The following PCDH11X variants were observed in gnomAD, a reference collection of about 807,000 sequenced individuals.
PCDH11X encodes the protein protocadherin 11 X-linked, also known as protocadherin-11 X-linked.
PCDH11X carries 18 observed loss-of-function variants against 53.3 expected under a neutral mutation model. The ratio of observed to expected loss-of-function variants is 0.34; its 90% CI spans 0.23 to 0.50. The LOEUF is 0.50. Ranked by LOEUF, PCDH11X falls within the 20% of genes least tolerant of loss-of-function variation. The pLI, the probability that PCDH11X is intolerant of heterozygous loss-of-function variation, is 0.98. For synonymous variants in PCDH11X, 279 were observed against 393.3 expected (o/e 0.71, Z 3.44); for missense variants, 570 against 1,032.4 (o/e 0.55, Z 6.14).
intron 7 of PCDH11X, among the ~76,000 whole-genome samples, chrX:92,223,808 C>A (rs933793471): frequency 5.4e-5 from 6 of 111,400 alleles, no homozygotes; most frequent in African/African-American, 2.0e-4. Context: ...GTGTCTAGCA[C>A]ATAGTGAACA....
At chrX:92,193,215 A>T (rs1847491517) in intron 6 of PCDH11X, among the ~76,000 whole-genome samples, 1 of 111,888 alleles carries the variant, frequency 8.9e-6, no homozygotes, top group African/African-American at 3.2e-5. Context: ...AAAAGACATT[A>T]TTTTATGTGT....
intron 6 of PCDH11X, among the ~76,000 whole-genome samples, chrX:91,881,782 C>A (rs1321179109): frequency 1.8e-5 from 2 of 109,464 alleles, no homozygotes; most frequent in Non-Finnish European, 3.8e-5. Flanking sequence ...ACAGCCAATA[C>A]AATACAAATT....
At chrX:92,379,394 C>G (rs2070822318) in intron 8 of PCDH11X, among the ~76,000 whole-genome samples, 1 of 112,880 alleles carries the variant, frequency 8.9e-6, no homozygotes, top group Non-Finnish European at 1.9e-5. Context: ...TGCCTCAGCC[C>G]CCTCCAGACT....
intron 8 of PCDH11X, among the ~76,000 whole-genome samples, chrX:92,316,922 G>A (rs1273350661): frequency 9.1e-6 from 1 of 110,370 alleles, no homozygotes; most frequent in Non-Finnish European, 1.9e-5. Flanking sequence ...TATTCACTGT[G>A]CCTTTCTACA....
At chrX:91,943,963 A>G (rs202024243) in intron 6 of PCDH11X, among the ~76,000 whole-genome samples, 1,282 of 103,675 alleles carry the variant, frequency 0.012, 17 homozygotes, top group Non-Finnish European at 0.02. Flanking sequence ...ATTTCACCTT[A>G]GCTGGCTTAG....
At chrX:91,994,260 T>C (rs1468782487) in intron 6 of PCDH11X, among the ~76,000 whole-genome samples, 1 of 106,186 alleles carries the variant, frequency 9.4e-6, no homozygotes. Context: ...CTAGAATTTA[T>C]TCCTCTTCTA....
chrX:91,852,106 C>T (rs963249749), intron 5 of PCDH11X, among the ~76,000 whole-genome samples: 2 of 102,507 alleles, frequency 2.0e-5, no homozygotes, highest in Non-Finnish European at 4.0e-5. Context: ...CTCCGCCTCC[C>T]GGGTTCAAGC....
chrX:92,259,993 T>A (rs1437819435), intron 7 of PCDH11X, among the ~76,000 whole-genome samples: 1 of 111,361 alleles, frequency 9.0e-6, no homozygotes, highest in Non-Finnish European at 1.9e-5. Context: ...CTCCGCATTC[T>A]TCCCTCTTCT....
At chrX:92,248,558 C>A (rs2067395888) in intron 7 of PCDH11X, among the ~76,000 whole-genome samples, 2 of 111,340 alleles carry the variant, frequency 1.8e-5, no homozygotes, top group African/African-American at 3.3e-5. Context: ...TCACCTCAAG[C>A]AGTTGTCATT....
At position 92,524,025 on chromosome X, in the gene PCDH11X, G is replaced by A. The variant is rs1051075192; in HGVS notation, c.3367+55703G>A. Among the ~76,000 whole-genome samples, 5 of 109,114 alleles carry A rather than the reference G, an allele frequency of 4.6e-5. No individual in the cohort carries two copies. The Admixed American group carries it at 5.0e-4, about 11-fold the overall frequency. 94.8% of individuals were successfully genotyped at this position (109,114 alleles called of 115,157 possible). A position where few individuals can be genotyped will look rare whatever the true frequency, so the allele number is the denominator to read the frequency against. Reference sequence around the variant, plus strand: ...GTATGCAGTACTAGGGAGGTTACAAGCCATATGAGTAAACGCTTAGCACAG... The same window carrying A: ...GTATGCAGTACTAGGGAGGTTACAAACCATATGAGTAAACGCTTAGCACAG... On this transcript the variant is annotated intron_variant, in intron 10 of 10. Coordinates refer to ENST00000682573, the MANE Select transcript of PCDH11X (RefSeq NM_032968.5).
At chrX:92,325,721 G>A (rs756704629) in intron 8 of PCDH11X, among the ~76,000 whole-genome samples, 73 of 111,217 alleles carry the variant, frequency 6.6e-4, no homozygotes, top group African/African-American at 2.3e-3. Context: ...AGCAGACAAA[G>A]CTTTTCTCTG....
At chrX:92,015,465 A>G (rs1292811860) in intron 6 of PCDH11X, among the ~76,000 whole-genome samples, 2 of 112,762 alleles carry the variant, frequency 1.8e-5, no homozygotes, top group Non-Finnish European at 3.7e-5. Context: ...TCAAGATTTC[A>G]GTCAATCCTT....
intron 5 of PCDH11X, among the ~76,000 whole-genome samples, chrX:91,854,522 T>G (rs1238486762): frequency 8.9e-6 from 1 of 112,349 alleles, no homozygotes; most frequent in East Asian, 2.8e-4. Flanking sequence ...TACCCAGCAA[T>G]GGGATTGCTG....
rs1460751515 is a variant in PCDH11X at position 91,958,301 on chromosome X, C to T, written c.3033+79028C>T. On this transcript the variant is annotated intron_variant, in intron 6 of 10. Coordinates refer to ENST00000682573, the MANE Select transcript of PCDH11X (RefSeq NM_032968.5). ...GGGCACACAGAACAATGCTGCTTGG[C>T]TCACTGGATTCAGCACCCTTCCTAG... Among the ~76,000 whole-genome samples the T allele has an allele frequency of 2.7e-5, 3 of 111,868 alleles. No homozygotes were observed. The Admixed American group carries it at 2.8e-4, about 11-fold the overall frequency.
chrX:92,361,600 T>C (rs2148540217), intron 8 of PCDH11X, among the ~76,000 whole-genome samples: 1 of 110,613 alleles, frequency 9.0e-6, no homozygotes, highest in East Asian at 2.8e-4. Context: ...TTACAAATGC[T>C]CTCTTCTCTC....
intron 4 of PCDH11X, among the ~76,000 whole-genome samples, chrX:91,832,420 A>T (rs747746387): frequency 5.3e-4 from 53 of 100,113 alleles, no homozygotes; most frequent in African/African-American, 1.9e-3. Context: ...ACATATTCTC[A>T]CTCATAGGTG....
chrX:92,493,668 A>T (rs1165650716), intron 10 of PCDH11X, among the ~76,000 whole-genome samples: 1 of 92,426 alleles, frequency 1.1e-5, no homozygotes, highest in Non-Finnish European at 2.1e-5. Context: ...TTTTTTTGAG[A>T]CAGAGTCTCA....
At chrX:92,258,872 T>A (rs1026374629) in intron 7 of PCDH11X, among the ~76,000 whole-genome samples, 1 of 112,161 alleles carries the variant, frequency 8.9e-6, no homozygotes, top group Admixed American at 9.5e-5. Flanking sequence ...ACATCTTGAA[T>A]GCTTTGCTGC....
At chrX:92,319,430 A>T (rs2148491115) in intron 8 of PCDH11X, among the ~76,000 whole-genome samples, 1 of 112,745 alleles carries the variant, frequency 8.9e-6, no homozygotes, top group African/African-American at 3.2e-5. Context: ...AAATTAAATA[A>T]TTTGGATTGA....
Sources: allele counts gnomAD v4.1 joint callset (sites outside exome capture counted in the v4.1 genomes callset), GRCh38; gene constraint gnomAD v4.1.1; transcripts MANE v1.5; gene names NCBI Gene and HGNC (gene_info 2026-07-23, HGNC 2026-07-21).